GRM8: variants seen among roughly 807,000 people sequenced by gnomAD.
The protein encoded by GRM8 is glutamate metabotropic receptor 8.
GRM8 carries 47 observed loss-of-function variants against 87.2 expected under a neutral mutation model. The ratio of observed to expected loss-of-function variants is 0.54; its 90% CI spans 0.43 to 0.69. GRM8 has a LOEUF of 0.69. Among genes scored for constraint, GRM8 ranks in the 30% least tolerant of loss-of-function variants. The probability of loss-of-function intolerance (pLI) is 0.00; values close to 1 mark genes in which losing one functional copy is unlikely to be tolerated. For missense variants in GRM8, 1,019 were observed against 1,139.2 expected (o/e 0.89, Z 1.52); for synonymous variants, 396 against 404.5 (o/e 0.98, Z 0.25).
chr7:126,985,044 CAT>C (rs1384478408), intron 3 of GRM8, among the ~76,000 whole-genome samples: 3 of 152,092 alleles, frequency 2.0e-5, no homozygotes, highest in Non-Finnish European at 2.9e-5. Flanking sequence ...CACACACACA[CAT>C]GCATGAAGTA....
intron 2 of GRM8, among the ~76,000 whole-genome samples, chr7:127,150,513 G>T (rs1828798480): frequency 6.6e-6 from 1 of 152,104 alleles, no homozygotes; most frequent in Non-Finnish European, 1.5e-5. Flanking sequence ...GCTCTCTTTT[G>T]CACTCAGTGT....
At chr7:127,212,717 G>A (rs28404747) in intron 2 of GRM8, among the ~76,000 whole-genome samples, 4 of 152,098 alleles carry the variant, frequency 2.6e-5, no homozygotes, top group Admixed American at 1.3e-4. Flanking sequence ...GCGCCCGGCC[G>A]ACATGGTGTT....
chr7:127,030,511 T>C (rs1035443866), intron 3 of GRM8, among the ~76,000 whole-genome samples: 3 of 152,142 alleles, frequency 2.0e-5, no homozygotes, highest in Non-Finnish European at 2.9e-5. Flanking sequence ...ACCGTTGATA[T>C]GTATCAGTTT....
intron 9 of GRM8, among the ~76,000 whole-genome samples, chr7:126,477,541 A>G (rs553801193): frequency 6.6e-6 from 1 of 150,562 alleles, no homozygotes; most frequent in African/African-American, 2.4e-5. Context: ...CAATAAAGAG[A>G]CTGAGAAAAG....
chr7:126,649,805 CAGG>C (rs1803593774), intron 7 of GRM8, among the ~76,000 whole-genome samples: 1 of 152,182 alleles, frequency 6.6e-6, no homozygotes, highest in African/African-American at 2.4e-5. Flanking sequence ...GTGTCCAGAA[CAGG>C]AGAAGGCTCT....
intron 9 of GRM8, among the ~76,000 whole-genome samples, chr7:126,503,614 T>G (rs1809967148): frequency 6.6e-6 from 1 of 152,096 alleles, no homozygotes; most frequent in African/African-American, 2.4e-5. Context: ...TCTTTTAGCT[T>G]AATGTGTACT....
chr7:127,225,135 C>A (rs997893323), intron 2 of GRM8, among the ~76,000 whole-genome samples: 1 of 152,222 alleles, frequency 6.6e-6, no homozygotes, highest in Admixed American at 6.5e-5. Context: ...GAGGCATCTG[C>A]CCCTCCTTCT....
intron 6 of GRM8, among the ~76,000 whole-genome samples, chr7:126,871,760 G>C (rs1799116818): frequency 6.6e-6 from 1 of 152,060 alleles, no homozygotes; most frequent in Non-Finnish European, 1.5e-5. Flanking sequence ...TGTACATTTT[G>C]CGTTATATGG....
chr7:126,878,358 C>T (rs1021236100), intron 6 of GRM8, among the ~76,000 whole-genome samples: 1 of 152,148 alleles, frequency 6.6e-6, no homozygotes, highest in African/African-American at 2.4e-5. Context: ...TCCAGAAGCT[C>T]ACATTGCTAT....
chr7:126,767,976 T>C (rs1300770331), intron 7 of GRM8, among the ~76,000 whole-genome samples: 1 of 152,070 alleles, frequency 6.6e-6, no homozygotes, highest in African/African-American at 2.4e-5. Flanking sequence ...ACAGTTCTAT[T>C]ATGCTCCAAT....
chr7:126,695,210 AT>A (rs1297844813), intron 7 of GRM8, among the ~76,000 whole-genome samples: 1 of 152,176 alleles, frequency 6.6e-6, no homozygotes, highest in Non-Finnish European at 1.5e-5. Flanking sequence ...ATATTAAAAC[AT>A]TTTTAAAGGG....
At chr7:126,631,356 C>G (rs1210314786) in intron 7 of GRM8, among the ~76,000 whole-genome samples, 1 of 152,102 alleles carries the variant, frequency 6.6e-6, no homozygotes. Flanking sequence ...AGGAGAACTA[C>G]AAACCACTGC....
chr7:126,500,384 A>T (rs1271721819), intron 9 of GRM8, among the ~76,000 whole-genome samples: 2 of 151,940 alleles, frequency 1.3e-5, no homozygotes, highest in Non-Finnish European at 2.9e-5. Flanking sequence ...AGACAGGAGG[A>T]GAGAAGGGAT....
chr7:126,499,617 A>G (rs1196853084), intron 9 of GRM8, among the ~76,000 whole-genome samples: 1 of 151,932 alleles, frequency 6.6e-6, no homozygotes, highest in Non-Finnish European at 1.5e-5. Context: ...AAAAAAGGGA[A>G]TGTCTGTTAT....
chr7:126,614,576 G>A (rs973277305), intron 7 of GRM8, among the ~76,000 whole-genome samples: 1 of 152,152 alleles, frequency 6.6e-6, no homozygotes, highest in Non-Finnish European at 1.5e-5. Flanking sequence ...AAACTTCTCT[G>A]AGCTAAAGGA....
At chr7:126,500,055 TATG>T (rs1461615496) in intron 9 of GRM8, among the ~76,000 whole-genome samples, 11 of 152,092 alleles carry the variant, frequency 7.2e-5, no homozygotes, top group African/African-American at 1.9e-4. Context: ...CTCAAGTACT[TATG>T]ATTTCTTTAT....
At chr7:126,975,068 A>C (rs1228256596) in intron 3 of GRM8, among the ~76,000 whole-genome samples, 2 of 152,192 alleles carry the variant, frequency 1.3e-5, no homozygotes, top group African/African-American at 4.8e-5. Context: ...TCTTAGAACA[A>C]GAATATAACC....
chr7:127,007,375 G>C (rs1814423688), intron 3 of GRM8, among the ~76,000 whole-genome samples: 1 of 151,880 alleles, frequency 6.6e-6, no homozygotes, highest in Non-Finnish European at 1.5e-5. Context: ...TTTCTAGTCT[G>C]TTTTATGCTC....
chr7:126,956,489 C>CTT (rs371403046), intron 3 of GRM8, among the ~76,000 whole-genome samples: 1 of 152,002 alleles, frequency 6.6e-6, no homozygotes, highest in Non-Finnish European at 1.5e-5. Flanking sequence ...TCAACATTCC[C>CTT]TTTTTTTTAT....
Sources: allele counts gnomAD v4.1 joint callset (sites outside exome capture counted in the v4.1 genomes callset), GRCh38; gene constraint gnomAD v4.1.1; transcripts MANE v1.5; gene names NCBI Gene and HGNC (gene_info 2026-07-23, HGNC 2026-07-21).